Variants in ZCWPW2 observed in about 807,000 individuals in gnomAD.
ZCWPW2 encodes the protein zinc finger CW-type and PWWP domain containing 2, also known as zinc finger CW-type PWWP domain protein 2.
In ZCWPW2, 45 loss-of-function variants were observed where a neutral mutation model predicts 46.6. The ratio of observed to expected loss-of-function variants is 0.96; its 90% confidence interval spans 0.76 to 1.24. The LOEUF (loss-of-function observed/expected upper bound fraction) is 1.24. ZCWPW2 is among the 50% of genes most tolerant of loss of function. The pLI, the probability that ZCWPW2 is intolerant of heterozygous loss-of-function variation, is 0.00. For missense variants in ZCWPW2, 429 were observed against 403.9 expected (o/e 1.06, Z -0.53); for synonymous variants, 152 against 137.1 (o/e 1.11, Z -0.76).
intron 5 of ZCWPW2, among the ~76,000 whole-genome samples, chr3:28,489,907 T>C (rs1198090824): frequency 2.0e-5 from 3 of 152,086 alleles, no homozygotes; most frequent in Non-Finnish European, 4.4e-5. Flanking sequence ...GTAAATAGCC[T>C]ACAGAATGGG....
chr3:28,435,519 T>C (rs1223957601), intron 4 of ZCWPW2, among the ~76,000 whole-genome samples: 2 of 147,206 alleles, frequency 1.4e-5, no homozygotes, highest in African/African-American at 2.5e-5. Flanking sequence ...AGAGTCTCGC[T>C]CTGTCACCCA....
At chr3:28,361,065 T>C (rs1453113090) in intron 1 of ZCWPW2, among the ~76,000 whole-genome samples, 2 of 152,164 alleles carry the variant, frequency 1.3e-5, no homozygotes, top group Non-Finnish European at 2.9e-5. Context: ...TCAAGATGTA[T>C]CTTTATGTAT....
At chr3:28,489,668 G>GCA (rs1209352772) in intron 5 of ZCWPW2, among the ~76,000 whole-genome samples, 4,580 of 39,482 alleles carry the variant, frequency 0.12, 90 homozygotes, top group African/African-American at 0.15. Context: ...ACACACGCGC[G>GCA]CACACACACA....
At position 28,514,068 on chromosome 3, in the gene ZCWPW2, A is replaced by T. The variant is rs138057462; in HGVS notation, c.662A>T (p.Gln221Leu). The change falls in exon 7 of 10, where the codon CAG becomes CTG. Residue 221 changes from glutamine to leucine, a missense_variant. Physicochemically the swap from Gln to Leu is moderately radical, Grantham distance 113. Coordinates refer to ENST00000383768, the MANE Select transcript of ZCWPW2 (RefSeq NM_001040432.4). The stretch of plus-strand genomic sequence containing the variant: ...ATTTTTGTTTTTGTGTTATAGAAGC[A>T]GACTTCTAAAAATAATATTGAAAAG... ...KVAALVKKRK[Q>L]TSKNNIEKKK... The T allele has an allele frequency of 4.6e-6, 7 of 1,510,098 alleles. No individual in the cohort carries two copies. The highest frequency in any genetic ancestry group is 6.3e-6 in the Non-Finnish European group (7 of 1,104,310). 93.5% of individuals were successfully genotyped at this position (1,510,098 alleles called of 1,614,324 possible).
intron 4 of ZCWPW2, among the ~76,000 whole-genome samples, chr3:28,468,896 T>C (rs1176685737): frequency 2.0e-5 from 3 of 152,052 alleles, no homozygotes; most frequent in Admixed American, 2.0e-4. Flanking sequence ...TCACTGGCAA[T>C]AGAAAGTACA....
chr3:28,461,747 A>G (rs531525288), intron 4 of ZCWPW2: 1 of 152,340 alleles, frequency 6.6e-6, no homozygotes, highest in African/African-American at 2.4e-5. Flanking sequence ...AATTTAAATT[A>G]GTGGAATAAG....
chr3:28,475,689 T>G (rs547175245), intron 4 of ZCWPW2, among the ~76,000 whole-genome samples: 1 of 152,276 alleles, frequency 6.6e-6, no homozygotes, highest in East Asian at 1.9e-4. Flanking sequence ...TTCTTTAATA[T>G]ACATGTACTC....
At chr3:28,435,418 G>T (rs1697440644) in intron 4 of ZCWPW2, 149 bp downstream of exon 4, 21 of 660,596 alleles carry the variant, frequency 3.2e-5, no homozygotes, top group South Asian at 2.8e-4. Context: ...TATTTTTAGT[G>T]TTTTTCTCAA....
At position 28,374,972 on chromosome 3, in the gene ZCWPW2, T is replaced by A. The variant is rs183932741; in HGVS notation, c.-133-15526T>A. Among the ~76,000 whole-genome samples, 56 of 152,080 alleles carry A rather than the reference T, an allele frequency of 3.7e-4. 2 individuals are homozygous for A. The East Asian group carries it at 9.1e-3, about 25-fold the overall frequency. ...CGGTCTCTCTCTCTCTCTCTTTAGATCTTTAATATTTGCTTTGTATACTTG... is the reference window on the plus strand; with the variant it reads ...CGGTCTCTCTCTCTCTCTCTTTAGAACTTTAATATTTGCTTTGTATACTTG... On this transcript the variant is annotated intron_variant, in intron 1 of 9. Coordinates refer to ENST00000383768, the MANE Select transcript of ZCWPW2 (RefSeq NM_001040432.4).
chr3:28,431,945 A>G (rs1427858188), intron 3 of ZCWPW2, among the ~76,000 whole-genome samples: 1 of 152,150 alleles, frequency 6.6e-6, no homozygotes, highest in East Asian at 1.9e-4. Context: ...CCTTCTTCAC[A>G]TGGTGGCAGC....
Position 28,479,020 on chromosome 3 carries a change from CTA to C in ZCWPW2, c.610+91_610+92del, listed in dbSNP as rs1424220011. The C allele has an allele frequency of 1.1e-5, 9 of 788,388 alleles. No homozygotes were observed. In the Admixed American group the frequency reaches 1.2e-4, roughly 10 times the overall value. 48.8% of individuals were successfully genotyped at this position (788,388 alleles called of 1,614,324 possible). A position where few individuals can be genotyped will look rare whatever the true frequency, so the allele number is the denominator to read the frequency against. ...AATATGTTTGCTCATTCAAAAATCTCTATCTCTTTCTCTTCATAGGGAAATAG... is the reference window on the plus strand; with the variant it reads ...AATATGTTTGCTCATTCAAAAATCTCTCTCTTTCTCTTCATAGGGAAATAG... On this transcript the variant is annotated intron_variant, in intron 5 of 9. Transcript: ENST00000383768.
intron 1 of ZCWPW2, among the ~76,000 whole-genome samples, chr3:28,375,990 T>A (rs567192124): frequency 6.7e-4 from 102 of 152,152 alleles, no homozygotes; most frequent in African/African-American, 2.2e-3. Context: ...TTTTTATGGC[T>A]GAATAGTACT....
rs1300821599 is a variant in ZCWPW2, at chr3:28,447,977, A to C, written c.492+12708A>C. ...CCCTATGGTGTTTCCATGTGTGCTA[A>C]ATGTTTTCATGACAGGATCAAGTGT... On this transcript the variant is annotated intron_variant, in intron 4 of 9. Transcript: ENST00000383768. The C allele has an allele frequency of 1.5e-5, 8 of 548,638 alleles. No individual in the cohort carries two copies. The African/African-American group carries it at 1.5e-4, about 10-fold the overall frequency. 34.0% of individuals were successfully genotyped at this position (548,638 alleles called of 1,614,324 possible).
chr3:28,370,139 T>A (rs1705271702), intron 1 of ZCWPW2, among the ~76,000 whole-genome samples: 1 of 152,190 alleles, frequency 6.6e-6, no homozygotes, highest in African/African-American at 2.4e-5. Context: ...CTTTGGCTCA[T>A]GCTTGGTGCG....
chr3:28,425,308 CA>C (rs1696961808), intron 3 of ZCWPW2, among the ~76,000 whole-genome samples: 1 of 152,054 alleles, frequency 6.6e-6, no homozygotes, highest in Non-Finnish European at 1.5e-5. Flanking sequence ...ACCTAAAATA[CA>C]GATTAAGAAA....
chr3:28,392,865 G>A (rs1695550069), intron 2 of ZCWPW2, among the ~76,000 whole-genome samples: 2 of 151,294 alleles, frequency 1.3e-5, no homozygotes, highest in African/African-American at 4.9e-5. Context: ...AAATGAAAGA[G>A]TTTAAATAAA....
intron 4 of ZCWPW2, among the ~76,000 whole-genome samples, chr3:28,459,053 A>T (rs1698529934): frequency 1.3e-5 from 2 of 152,088 alleles, no homozygotes; most frequent in Admixed American, 1.3e-4. Context: ...TGGTCGTCAC[A>T]TTCTGCTGTA....
At chr3:28,375,507 A>G (rs1705473784) in intron 1 of ZCWPW2, among the ~76,000 whole-genome samples, 1 of 151,950 alleles carries the variant, frequency 6.6e-6, no homozygotes, top group African/African-American at 2.4e-5. Context: ...TTTTTAAAAC[A>G]TTTTTGTGGG....
intron 1 of ZCWPW2, among the ~76,000 whole-genome samples, chr3:28,384,040 T>G (rs906180007): frequency 1.3e-5 from 2 of 152,208 alleles, no homozygotes; most frequent in African/African-American, 4.8e-5. Context: ...CTCCCACAGC[T>G]TTAGAGGTAT....
Sources: gnomAD v4.1 joint callset for allele counts (sites outside exome capture counted in the v4.1 genomes callset) on GRCh38, gnomAD v4.1.1 for gene constraint, MANE v1.5 for transcripts, NCBI Gene and HGNC (gene_info 2026-07-23, HGNC 2026-07-21) for gene names.